Variants in GPHN observed in about 807,000 individuals in gnomAD.
The protein encoded by GPHN is gephyrin.
In GPHN, 17 loss-of-function variants were observed where a neutral mutation model predicts 95.5. That is an observed-to-expected ratio of 0.18 (90% confidence interval 0.12 to 0.27). The LOEUF is 0.27. Ranked by LOEUF, GPHN falls within the 10% of genes least tolerant of loss-of-function variation. The pLI is 1.00. For synonymous variants in GPHN, 320 were observed against 322.5 expected (o/e 0.99, Z 0.08); for missense variants, 660 against 978.1 (o/e 0.67, Z 4.34).
At chr14:66,834,177 A>G (rs928083749) in intron 4 of GPHN, among the ~76,000 whole-genome samples, 2 of 152,106 alleles carry the variant, frequency 1.3e-5, no homozygotes, top group South Asian at 4.2e-4. Context: ...GACATTTCTG[A>G]TATTTGAAAA....
chr14:66,782,640 G>C (rs989751744), intron 3 of GPHN, among the ~76,000 whole-genome samples: 5 of 152,060 alleles, frequency 3.3e-5, no homozygotes, highest in African/African-American at 1.2e-4. Flanking sequence ...TAATACGGTG[G>C]AACCCTGTCT....
intron 2 of GPHN, among the ~76,000 whole-genome samples, chr14:66,762,606 G>A (rs2058801294): frequency 6.6e-6 from 1 of 150,894 alleles, no homozygotes; most frequent in Non-Finnish European, 1.5e-5. Context: ...ATTGTTCTAA[G>A]TAGCAGACTG....
chr14:67,714,766 GA>G, the GPHN span: 15 of 152,250 alleles, frequency 9.9e-5, no homozygotes, highest in African/African-American at 3.6e-4. Context: ...AGGGATTTTT[GA>G]AATTAAATGT....
chr14:67,562,634 C>T, the GPHN span: 1 of 1,613,030 alleles, frequency 6.2e-7, no homozygotes, highest in South Asian at 1.1e-5. Context: ...CCACAGCCAG[C>T]CCCAGGTGGG....
intron 2 of GPHN, among the ~76,000 whole-genome samples, chr14:66,745,631 G>A (rs78163962): frequency 0.011 from 1,655 of 152,000 alleles, 17 homozygotes; most frequent in Middle Eastern, 0.017. Flanking sequence ...ACTGTGGAAA[G>A]TGTTGCCAAT....
intron 5 of GPHN, among the ~76,000 whole-genome samples, chr14:66,886,427 C>G (rs544096651): frequency 1.3e-5 from 2 of 152,200 alleles, no homozygotes; most frequent in East Asian, 3.9e-4. Context: ...TAGTAAATCT[C>G]TCTGCACATG....
At chr14:67,690,315 G>C in the GPHN span, 2 of 1,614,184 alleles carry the variant, frequency 1.2e-6, no homozygotes, top group Admixed American at 3.3e-5. Flanking sequence ...GCAGGTTATG[G>C]AAGTGGATCC....
intron 9 of GPHN, among the ~76,000 whole-genome samples, chr14:67,002,271 C>G (rs2072282885): frequency 6.8e-6 from 1 of 146,926 alleles, no homozygotes; most frequent in Non-Finnish European, 1.5e-5. Flanking sequence ...TATTTAAAGA[C>G]GCACTTGAAA....
chr14:67,389,941 C>T, the GPHN span, among the ~76,000 whole-genome samples: 1 of 152,070 alleles, frequency 6.6e-6, no homozygotes, highest in Non-Finnish European at 1.5e-5. Flanking sequence ...CTGCCACATC[C>T]CTCCCTGGCC....
At chr14:66,634,082 A>G (rs1407962448) in intron 1 of GPHN, among the ~76,000 whole-genome samples, 2 of 151,966 alleles carry the variant, frequency 1.3e-5, no homozygotes, top group Non-Finnish European at 2.9e-5. Flanking sequence ...CATTATTATA[A>G]ACTCATTTTC....
At chr14:67,394,444 G>A in the GPHN span, among the ~76,000 whole-genome samples, 7 of 152,064 alleles carry the variant, frequency 4.6e-5, no homozygotes, top group East Asian at 1.3e-3. Flanking sequence ...AGCCCACATG[G>A]TTCTCTGTGA....
intron 1 of GPHN, among the ~76,000 whole-genome samples, chr14:66,535,424 A>G (rs1463478923): frequency 6.6e-6 from 1 of 151,924 alleles, no homozygotes; most frequent in Non-Finnish European, 1.5e-5. Flanking sequence ...TTCTTCTTCA[A>G]CATTTTTTTT....
At chr14:66,681,457 AGAT>A (rs2066926683) in intron 2 of GPHN, among the ~76,000 whole-genome samples, 1 of 152,182 alleles carries the variant, frequency 6.6e-6, no homozygotes, top group African/African-American at 2.4e-5. Flanking sequence ...TAGCCAAGAA[AGAT>A]GATTAGTAGT....
chr14:66,580,856 CACT>C (rs1265223530), intron 1 of GPHN, among the ~76,000 whole-genome samples: 1 of 151,400 alleles, frequency 6.6e-6, no homozygotes, highest in Non-Finnish European at 1.5e-5. Flanking sequence ...AAGTCAAAGA[CACT>C]ACAAGAAAAA....
intron 1 of GPHN, among the ~76,000 whole-genome samples, chr14:66,538,524 T>C (rs2059224013): frequency 6.6e-6 from 1 of 152,080 alleles, no homozygotes; most frequent in South Asian, 2.1e-4. Context: ...ATTTCTCTCC[T>C]CTTCTGTGCC....
the GPHN span, among the ~76,000 whole-genome samples, chr14:67,398,682 G>A: frequency 7.3e-5 from 11 of 150,200 alleles, no homozygotes; most frequent in Admixed American, 2.0e-4. Flanking sequence ...ACTACTTCCC[G>A]AGTGGCTGGG....
chr14:66,646,568 TA>T (rs1467051507), intron 1 of GPHN, among the ~76,000 whole-genome samples: 4 of 152,002 alleles, frequency 2.6e-5, no homozygotes, highest in African/African-American at 9.7e-5. Context: ...AATATATATA[TA>T]AAATAGATAA....
intron 3 of GPHN, among the ~76,000 whole-genome samples, chr14:66,781,248 T>G (rs915428340): frequency 4.7e-5 from 7 of 148,762 alleles, no homozygotes; most frequent in Admixed American, 2.7e-4. Context: ...TGATACGGAG[T>G]CTCTGTCGCC....
intron 1 of GPHN, among the ~76,000 whole-genome samples, chr14:66,539,417 T>C (rs1270133662): frequency 6.9e-6 from 1 of 145,722 alleles, no homozygotes; most frequent in Non-Finnish European, 1.5e-5. Context: ...TTCTTTTTTT[T>C]TTTTTTTTTT....
Sources: gnomAD v4.1 joint callset for allele counts (sites outside exome capture counted in the v4.1 genomes callset) on GRCh38, gnomAD v4.1.1 for gene constraint, MANE v1.5 for transcripts, NCBI Gene and HGNC (gene_info 2026-07-23, HGNC 2026-07-21) for gene names.